The following FSTL5 variants were observed in gnomAD, a reference collection of about 807,000 sequenced individuals.
The protein encoded by FSTL5 is follistatin-related protein 5.
FSTL5 carries 62 observed loss-of-function variants against 89.1 expected under a neutral mutation model. The observed-to-expected ratio is 0.70, with a 90% confidence interval of 0.57 to 0.86. The LOEUF is 0.86. Ranked by LOEUF, FSTL5 falls within the 40% of genes least tolerant of loss-of-function variation. FSTL5 has a pLI of 0.00. For synonymous variants in FSTL5, 383 were observed against 346.2 expected (o/e 1.11, Z -1.18); for missense variants, 1,057 against 1,001.6 (o/e 1.06, Z -0.75).
intron 5 of FSTL5, among the ~76,000 whole-genome samples, chr4:161,764,304 G>A (rs1740910965): frequency 6.6e-6 from 1 of 152,128 alleles, no homozygotes; most frequent in Non-Finnish European, 1.5e-5. Flanking sequence ...TGTTGTCCAG[G>A]CTGGAATGCA....
chr4:161,860,992 C>T (rs1017381594), intron 4 of FSTL5, among the ~76,000 whole-genome samples: 7 of 152,062 alleles, frequency 4.6e-5, no homozygotes, highest in East Asian at 3.8e-4. Flanking sequence ...AAAGAAAATA[C>T]GTTGTGTTCC....
At position 161,821,508 on chromosome 4, in the gene FSTL5, G is replaced by T. The variant is rs932872781; in HGVS notation, c.410-45434C>A. Among the ~76,000 whole-genome samples, 8 of 152,222 alleles carry T rather than the reference G, an allele frequency of 5.3e-5. 1 individual carries two copies. Among genetic ancestry groups the T allele is most frequent in the Admixed American group, 6.5e-5 (1 of 15,290 alleles). On this transcript the variant is annotated intron_variant, in intron 4 of 15. Coordinates refer to ENST00000306100, the MANE Select transcript of FSTL5 (RefSeq NM_020116.5). ...ATAAGTTCTTTAGTGAGATTTTGGTGCACCCATCACCCAAGCAGTATACAC... is the reference window on the plus strand; with the variant it reads ...ATAAGTTCTTTAGTGAGATTTTGGTTCACCCATCACCCAAGCAGTATACAC...
intron 2 of FSTL5, among the ~76,000 whole-genome samples, chr4:162,074,002 C>A (rs1267828969): frequency 3.3e-5 from 5 of 151,622 alleles, no homozygotes; most frequent in Non-Finnish European, 3.0e-5. Flanking sequence ...TCAGTTGTTC[C>A]ACTGTTCATA....
At chr4:161,748,001 T>C (rs1740261016) in intron 6 of FSTL5, among the ~76,000 whole-genome samples, 1 of 152,128 alleles carries the variant, frequency 6.6e-6, no homozygotes, top group Non-Finnish European at 1.5e-5. Flanking sequence ...TAGAGGTAGA[T>C]TATAAATTTA....
At chr4:161,472,536 A>T (rs1733983995) in intron 13 of FSTL5, among the ~76,000 whole-genome samples, 1 of 152,050 alleles carries the variant, frequency 6.6e-6, no homozygotes, top group East Asian at 1.9e-4. Context: ...GCCATGTCCC[A>T]TAAGTTTTGG....
At chr4:161,468,597 A>T (rs1283423493) in intron 13 of FSTL5, among the ~76,000 whole-genome samples, 1 of 152,142 alleles carries the variant, frequency 6.6e-6, no homozygotes, top group Non-Finnish European at 1.5e-5. Flanking sequence ...TTTTTAGATT[A>T]ACAAGATTAT....
At chr4:161,766,523 GCA>G (rs1386054979) in intron 5 of FSTL5, among the ~76,000 whole-genome samples, 2 of 152,118 alleles carry the variant, frequency 1.3e-5, no homozygotes, top group East Asian at 3.9e-4. Context: ...ATATTGCTCT[GCA>G]CAGTTTCCAG....
chr4:161,990,915 A>C (rs906993093), intron 3 of FSTL5, among the ~76,000 whole-genome samples: 2 of 152,178 alleles, frequency 1.3e-5, no homozygotes, highest in African/African-American at 4.8e-5. Context: ...TGCATGTCCA[A>C]ACTTGCTGTC....
intron 3 of FSTL5, among the ~76,000 whole-genome samples, chr4:161,977,645 T>A (rs867453450): frequency 1.0e-3 from 140 of 135,304 alleles, no homozygotes; most frequent in Middle Eastern, 3.8e-3. Context: ...AAAAAAATAA[T>A]AATAATAATA....
rs1315844982 is a variant in FSTL5 at position 161,652,569 on chromosome 4, G to T, written c.894+3759C>A. On this transcript the variant is annotated intron_variant, in intron 7 of 15. Transcript: ENST00000306100. ...GGTAATATTAACCCATCCTATTAAA[G>T]AAATAAAATTATATATGCAATGCAT... 2.0e-5 allele frequency among the ~76,000 whole-genome samples: 3 copies of T among 151,988 alleles called. No homozygotes were observed. In the South Asian group the frequency reaches 6.2e-4, roughly 31 times the overall value.
intron 1 of FSTL5, among the ~76,000 whole-genome samples, chr4:162,121,591 G>A (rs1731865725): frequency 6.6e-6 from 1 of 151,944 alleles, no homozygotes; most frequent in Non-Finnish European, 1.5e-5. Context: ...TCTGTATCAT[G>A]GTGTAAAATG....
chr4:161,502,268 G>C (rs1730319285), intron 11 of FSTL5, among the ~76,000 whole-genome samples: 1 of 151,756 alleles, frequency 6.6e-6, no homozygotes, highest in African/African-American at 2.4e-5. Context: ...TTGTTGCACT[G>C]GTGGAATTTG....
intron 3 of FSTL5, among the ~76,000 whole-genome samples, chr4:161,991,040 C>T (rs954149530): frequency 5.3e-5 from 8 of 152,040 alleles, no homozygotes; most frequent in Admixed American, 1.3e-4. Context: ...TAGATATGAA[C>T]CAAATCCCAG....
At chr4:161,398,371 T>TTG (rs1731073406) in intron 15 of FSTL5, among the ~76,000 whole-genome samples, 1 of 152,080 alleles carries the variant, frequency 6.6e-6, no homozygotes. Flanking sequence ...CCAAAATTAT[T>TTG]CATTTTAAAT....
intron 2 of FSTL5, among the ~76,000 whole-genome samples, chr4:162,036,738 A>T (rs1245318343): frequency 6.6e-6 from 1 of 152,058 alleles, no homozygotes; most frequent in Non-Finnish European, 1.5e-5. Context: ...GAAATTTTCA[A>T]TAGTACAGAA....
chr4:161,489,602 G>A (rs1363653954), intron 12 of FSTL5, among the ~76,000 whole-genome samples: 4 of 152,072 alleles, frequency 2.6e-5, no homozygotes, highest in Non-Finnish European at 2.9e-5. Context: ...AATTGTATAG[G>A]AGCAGTGATT....
intron 15 of FSTL5, among the ~76,000 whole-genome samples, chr4:161,438,114 A>G (rs1732634956): frequency 6.6e-6 from 1 of 152,228 alleles, no homozygotes; most frequent in South Asian, 2.1e-4. Flanking sequence ...ATGTGCAAAA[A>G]GAAGCCGTCG....
chr4:161,957,640 C>T (rs948415815), intron 3 of FSTL5, among the ~76,000 whole-genome samples: 1 of 152,064 alleles, frequency 6.6e-6, no homozygotes, highest in Non-Finnish European at 1.5e-5. Flanking sequence ...ACCAGCCAGA[C>T]CGAGTCCTTT....
intron 6 of FSTL5, among the ~76,000 whole-genome samples, chr4:161,721,253 C>A (rs1193203100): frequency 8.2e-4 from 109 of 133,510 alleles, no homozygotes; most frequent in Non-Finnish European, 1.3e-3. Flanking sequence ...AGTCCGCAGT[C>A]CGGCCTGGGC....
Sources: allele counts gnomAD v4.1 joint callset (sites outside exome capture counted in the v4.1 genomes callset), GRCh38; gene constraint gnomAD v4.1.1; transcripts MANE v1.5; gene names NCBI Gene and HGNC (gene_info 2026-07-23, HGNC 2026-07-21).